CEP83: variants seen among roughly 807,000 people sequenced by gnomAD.
CEP83 encodes centrosomal protein of 83 kDa.
Under a neutral mutation model 101.9 loss-of-function variants are expected in CEP83, and 70 were observed. That is an observed-to-expected ratio of 0.69 (90% CI 0.57 to 0.84). The LOEUF (loss-of-function observed/expected upper bound fraction) is 0.84, where lower values mean the gene tolerates loss of function less well. Ranked by LOEUF, CEP83 falls within the 40% of genes least tolerant of loss-of-function variation. The pLI, the probability that CEP83 is intolerant of heterozygous loss-of-function variation, is 0.00. For synonymous variants in CEP83, 264 were observed against 267.9 expected (o/e 0.99, Z 0.14); for missense variants, 715 against 787.2 (o/e 0.91, Z 1.10).
the CEP83 span, chr12:94,301,120 G>A: frequency 1.4e-6 from 2 of 1,458,984 alleles, no homozygotes; most frequent in Non-Finnish European, 1.9e-6. Flanking sequence ...TTGTCTTTCT[G>A]ATAAGCATTC....
chr12:94,278,045 C>T, the CEP83 span: 731 of 456,062 alleles, frequency 1.6e-3, 5 homozygotes, highest in South Asian at 2.3e-3. Context: ...CCTCCTCTTT[C>T]GGCTTTGGAG....
chr12:94,265,962 A>G, the CEP83 span, among the ~76,000 whole-genome samples: 22 of 152,288 alleles, frequency 1.4e-4, no homozygotes, highest in African/African-American at 5.1e-4. Context: ...GGAATTTTCT[A>G]TGCTTTTCTG....
chr12:94,352,335 G>A (rs368359661), intron 11 of CEP83, among the ~76,000 whole-genome samples: 1 of 151,180 alleles, frequency 6.6e-6, no homozygotes, highest in African/African-American at 2.4e-5. Flanking sequence ...CAGGAAAATC[G>A]CTTAAACCTG....
At chr12:94,373,239 A>G (rs977207837) in intron 8 of CEP83, among the ~76,000 whole-genome samples, 6 of 152,196 alleles carry the variant, frequency 3.9e-5, no homozygotes, top group African/African-American at 1.4e-4. Context: ...AATGTTTGCC[A>G]TATAGATTCT....
intron 14 of CEP83, among the ~76,000 whole-genome samples, chr12:94,322,546 C>T (rs116963565): frequency 6.6e-6 from 1 of 152,142 alleles, no homozygotes; most frequent in African/African-American, 2.4e-5. Context: ...AAAGCTGGCA[C>T]CCTGCCCCTC....
chr12:94,268,761 A>G, the CEP83 span, among the ~76,000 whole-genome samples: 1 of 151,806 alleles, frequency 6.6e-6, no homozygotes, highest in Non-Finnish European at 1.5e-5. Flanking sequence ...TGCCAGGCTA[A>G]TGCTTGTATT....
At chr12:94,456,977 A>G (rs1278873077) in intron 1 of CEP83, among the ~76,000 whole-genome samples, 2 of 152,250 alleles carry the variant, frequency 1.3e-5, no homozygotes, top group African/African-American at 4.8e-5. Flanking sequence ...AATTTAACTC[A>G]CAAATACATA....
intron 4 of CEP83, among the ~76,000 whole-genome samples, chr12:94,407,428 AGAGTGAT>A (rs1328209951): frequency 1.3e-5 from 2 of 152,248 alleles, no homozygotes; most frequent in Admixed American, 6.5e-5. Flanking sequence ...ACTACCCTGT[AGAGTGAT>A]GTAGCTGCAC....
chr12:94,386,511 T>G (rs1378425539), intron 6 of CEP83, among the ~76,000 whole-genome samples: 1 of 152,208 alleles, frequency 6.6e-6, no homozygotes, highest in Non-Finnish European at 1.5e-5. Flanking sequence ...TCAAAGATCA[T>G]GTAGCTCAAT....
At chr12:94,301,939 G>C (rs139250566), downstream of CEP83, among the ~76,000 whole-genome samples, 119 of 151,990 alleles carry the variant, frequency 7.8e-4, 1 homozygote, top group East Asian at 0.022. Context: ...AATGTCTGTC[G>C]CTCCCTCCTC....
Position 94,421,204 on chromosome 12 carries a change from A to T in CEP83, c.-101-8613T>A, listed in dbSNP as rs192455307. On this transcript the variant is annotated intron_variant, in intron 2 of 16. Coordinates refer to ENST00000397809, the MANE Select transcript of CEP83 (RefSeq NM_016122.3). ...CATGTCATTAGGCCTGGCTTTTTAA[A>T]TTTTTTTTATTTATTTTAATTTTTA... Among the ~76,000 whole-genome samples, 177 of 151,834 alleles carry T rather than the reference A, an allele frequency of 1.2e-3. 3 individuals are homozygous for T. The East Asian group carries it at 0.03, about 26-fold the overall frequency.
downstream of CEP83, among the ~76,000 whole-genome samples, chr12:94,301,938 C>T (rs751621554): frequency 3.9e-5 from 6 of 152,150 alleles, no homozygotes; most frequent in South Asian, 2.1e-4. Flanking sequence ...AAATGTCTGT[C>T]GCTCCCTCCT....
chr12:94,424,686 T>C, intron 2 of CEP83: 2 of 1,612,070 alleles, frequency 1.2e-6, no homozygotes, highest in Non-Finnish European at 1.7e-6. Flanking sequence ...CCTTTACATT[T>C]GTTTGTGGTC....
intron 14 of CEP83, among the ~76,000 whole-genome samples, chr12:94,316,877 C>T (rs984856856): frequency 4.6e-5 from 7 of 151,952 alleles, no homozygotes; most frequent in African/African-American, 1.7e-4. Context: ...AATAGTGTTG[C>T]AATGAACATA....
chr12:94,298,734 G>A, the CEP83 span: 45 of 1,613,060 alleles, frequency 2.8e-5, no homozygotes, highest in African/African-American at 3.9e-4. Flanking sequence ...CTTTTTGGAC[G>A]CCCAGGCTGA....
chr12:94,375,991 C>T lies in CEP83; in HGVS notation c.828G>A (p.Arg276=). The T allele has an allele frequency of 6.4e-7, 1 of 1,558,738 alleles. No homozygotes were observed. Residue 276 remains arginine (R), a synonymous_variant, in exon 8 of 17, where the codon CGG becomes CGA. Transcript: ENST00000397809. ...GTAGCTCTTTTTCCAAACGTTCTGC[C>T]CGTAAATTAGCTGATTGTTTTTCAG... is the stretch of plus-strand genomic sequence containing the variant. ...LEAEKQSANL[R]AERLEKELQS...
At chr12:94,297,368 G>A in the CEP83 span, 1 of 1,613,980 alleles carries the variant, frequency 6.2e-7, no homozygotes, top group Non-Finnish European at 8.5e-7. Context: ...AGACATCGAG[G>A]GAAGCACAAG....
At chr12:94,383,569 T>A (rs1050057038) in intron 6 of CEP83, among the ~76,000 whole-genome samples, 2 of 150,656 alleles carry the variant, frequency 1.3e-5, no homozygotes, top group Non-Finnish European at 3.0e-5. Flanking sequence ...GTCAGTACAG[T>A]TAGGTCATTT....
At chr12:94,303,656 G>A (rs1968691134), downstream of CEP83, 18 of 1,050,970 alleles carry the variant, frequency 1.7e-5, no homozygotes, top group South Asian at 3.5e-4. Flanking sequence ...TTGGTGGTGG[G>A]GGTTCAGCTA....
Sources: gnomAD v4.1 joint callset for allele counts (sites outside exome capture counted in the v4.1 genomes callset) on GRCh38, gnomAD v4.1.1 for gene constraint, MANE v1.5 for transcripts, NCBI Gene and HGNC (gene_info 2026-07-23, HGNC 2026-07-21) for gene names.